Variants in DENND4B observed in about 807,000 individuals in gnomAD.
DENND4B encodes the protein DENN domain containing 4B.
In DENND4B, 67 loss-of-function variants were observed where a neutral mutation model predicts 161.0. The observed-to-expected ratio is 0.42, with a 90% CI of 0.34 to 0.51. DENND4B has a LOEUF of 0.51. Among genes scored for constraint, DENND4B ranks in the 20% least tolerant of loss-of-function variants. The pLI is 0.08. For missense variants in DENND4B, 1,481 were observed against 1,968.0 expected (o/e 0.75, Z 4.68); for synonymous variants, 753 against 813.8 (o/e 0.93, Z 1.27).
rs370527955 is a variant in DENND4B, at chr1:153,933,777, C to T, written c.3036G>A (p.Pro1012=). Residue 1012 remains proline (P), a synonymous_variant, in exon 20 of 28, where the codon CCG becomes CCA. Coordinates refer to ENST00000361217, the MANE Select transcript of DENND4B (RefSeq NM_014856.3). The surrounding 1 kb of genome is among the most constrained non-coding windows in gnomAD (Gnocchi z 5.7). ...LSDLSLTGEE[P]LPGGSPGGSG... is the part of the protein sequence containing the mutation. ...AGCCCCCTGGGCTGCCTCCAGGGAGCGGCTCCTCCCCTGTCAGGCTCAGGT... is the reference window on the plus strand; with the variant it reads ...AGCCCCCTGGGCTGCCTCCAGGGAGTGGCTCCTCCCCTGTCAGGCTCAGGT... The T allele has an allele frequency of 1.1e-4, 183 of 1,610,076 alleles. No homozygotes were observed. In the African/African-American group the frequency reaches 2.1e-3, roughly 19 times the overall value.
At chr1:153,938,406 CAAA>C (rs34071791) in intron 13 of DENND4B, among the ~76,000 whole-genome samples, 2 of 103,162 alleles carry the variant, frequency 1.9e-5, no homozygotes, top group Non-Finnish European at 2.0e-5. Flanking sequence ...AAAACTATCT[CAAA>C]AAAAAAAAAA....
chr1:153,943,678 TAAAAAAA>T (rs11330733), intron 2 of DENND4B, among the ~76,000 whole-genome samples: 1 of 92,408 alleles, frequency 1.1e-5, no homozygotes, highest in Admixed American at 1.3e-4. Flanking sequence ...ACTCTGTCTA[TAAAAAAA>T]AAAAAAAAAA....
chr1:153,943,652 T>A (rs1399375422), intron 2 of DENND4B, among the ~76,000 whole-genome samples: 4 of 130,918 alleles, frequency 3.1e-5, no homozygotes, highest in Non-Finnish European at 6.2e-5. Context: ...CACTCCAGCC[T>A]GAGTGACAGA....
Position 153,934,160 on chromosome 1 carries a change from G to A in DENND4B, c.2916C>T (p.Pro972=). 2 of 1,583,674 alleles carry A rather than the reference G, an allele frequency of 1.3e-6. No homozygotes were observed. The highest frequency in any genetic ancestry group is 1.7e-6 in the Non-Finnish European group (2 of 1,171,592). The part of the protein sequence containing the change: ...GSLGSARGAQ[P]TVEAGVAHMI... ...TGTGGGCCACACCGGCCTCCACAGT[G>A]GGCTGTGCCCCTCGGGCACTGCCCA... The change falls in exon 19 of 28, where the codon CCC becomes CCT. Residue 972 remains proline, a synonymous_variant. Transcript: ENST00000361217. The surrounding 1 kb of genome is among the most constrained non-coding windows in gnomAD (Gnocchi z 5.3).
Position 153,944,037 on chromosome 1 carries a change from A to G in DENND4B, c.317+21T>C. On this transcript the variant is annotated intron_variant, in intron 2 of 27. Coordinates refer to ENST00000361217, the MANE Select transcript of DENND4B (RefSeq NM_014856.3). The surrounding 1 kb of genome is among the most constrained non-coding windows in gnomAD (Gnocchi z 4.8). ...GTCCCTCCCAGCCTCCCCTGGTGCC[A>G]GCATGGGTAGGGGCACACACCCCAG... 6.6e-7 allele frequency: 1 copy of G among 1,519,358 alleles called. No homozygotes were observed. Among genetic ancestry groups the G allele is most frequent in the Non-Finnish European group, 8.8e-7 (1 of 1,131,378 alleles). 94.1% of individuals were successfully genotyped at this position (1,519,358 alleles called of 1,614,324 possible).
At chr1:153,935,807 A>G (rs527827611) in intron 17 of DENND4B, 171 of 458,242 alleles carry the variant, frequency 3.7e-4, no homozygotes, top group Admixed American at 1.2e-3. Flanking sequence ...TGTGATGCGT[A>G]TGGACCCGTG....
chr1:153,936,008 C>G lies in DENND4B; in HGVS notation c.2568+52G>C. The G allele has an allele frequency of 1.5e-5, 24 of 1,604,642 alleles. No individual in the cohort carries two copies. The highest frequency in any genetic ancestry group is 2.0e-5 in the Non-Finnish European group (24 of 1,175,028). On this transcript the variant is annotated intron_variant, in intron 17 of 27. Coordinates refer to ENST00000361217, the MANE Select transcript of DENND4B (RefSeq NM_014856.3). The surrounding 1 kb of genome is among the most constrained non-coding windows in gnomAD (Gnocchi z 4.1). ...GCGAGGGGAGCAGCAGCAGCCTCCC[C>G]TCACACACCCTGGCACAGCTGCCAT...
At position 153,930,228 on chromosome 1, in the gene DENND4B, G is replaced by A; in HGVS notation, c.*69C>T. On this transcript the variant is annotated 3_prime_UTR_variant, in exon 28 of 28. Transcript: ENST00000361217. This position sits in a 1 kb window ranked among gnomAD's most constrained non-coding sequence, Gnocchi z 4.7. ...CCAACTCCATGAAGGCAACAGGGAA[G>A]CAGTTTAACTCTAGAATCCCTTCTT... 6.5e-7 allele frequency: 1 copy of A among 1,537,728 alleles called. No individual in the cohort carries two copies. The highest frequency in any genetic ancestry group is 8.8e-7 in the Non-Finnish European group (1 of 1,137,146).
chr1:153,934,725 C>G lies in DENND4B; in HGVS notation c.2773+35G>C. The G allele has an allele frequency of 1.3e-6, 2 of 1,589,438 alleles. No homozygotes were observed. The highest frequency in any genetic ancestry group is 1.7e-6 in the Non-Finnish European group (2 of 1,169,420). ...CTTTCCCTGCCTGAGCCCAGCTACT[C>G]CATCCCCAAGCCTGTCTCACCAGGC... is the stretch of plus-strand genomic sequence containing the variant. On this transcript the variant is annotated intron_variant, in intron 18 of 27. Transcript: ENST00000361217. This position sits in a 1 kb window ranked among gnomAD's most constrained non-coding sequence, Gnocchi z 5.3.
Position 153,932,200 on chromosome 1 carries a change from T to C in DENND4B, c.3996+4A>G, listed in dbSNP as rs374431117. On this transcript the variant is annotated splice_donor_region_variant and intron_variant, in intron 24 of 27. Transcript: ENST00000361217. The surrounding 1 kb of genome is among the most constrained non-coding windows in gnomAD (Gnocchi z 5.8). ...GGAAACAGGGGCCACATGGGGGCACTGACCTGGGAGTGCGAAGGCCCATCA... is the reference window on the plus strand; with the variant it reads ...GGAAACAGGGGCCACATGGGGGCACCGACCTGGGAGTGCGAAGGCCCATCA... 9 of 1,612,316 alleles carry C rather than the reference T, an allele frequency of 5.6e-6. No individual in the cohort carries two copies. The highest frequency in any genetic ancestry group is 7.6e-6 in the Non-Finnish European group (9 of 1,178,950).
chr1:153,934,712 G>T lies in DENND4B; in HGVS notation c.2773+48C>A. 6.4e-7 allele frequency: 1 copy of T among 1,570,434 alleles called. No individual in the cohort carries two copies. ...CAACTCTCTATGCCTTTCCCTGCCT[G>T]AGCCCAGCTACTCCATCCCCAAGCC... On this transcript the variant is annotated intron_variant, in intron 18 of 27. Transcript: ENST00000361217. This position sits in a 1 kb window ranked among gnomAD's most constrained non-coding sequence, Gnocchi z 5.3.
At chr1:153,935,127 C>G in intron 17 of DENND4B, 163 bp from the exon 18 acceptor site, 5 of 1,388,926 alleles carry the variant, frequency 3.6e-6, no homozygotes, top group South Asian at 3.1e-5. Flanking sequence ...CCAGAAGAGA[C>G]AGTAGGCAGC....
chr1:153,941,516 T>C, intron 6 of DENND4B, 76 bp from the exon 7 acceptor site: 2 of 1,479,842 alleles, frequency 1.4e-6, no homozygotes, highest in Non-Finnish European at 1.8e-6. Flanking sequence ...CTCAGCTCTT[T>C]CACTTGTTCT....
Position 153,937,673 on chromosome 1 carries a change from C to A in DENND4B, c.2105+51G>T, listed in dbSNP as rs539345531. The A allele has an allele frequency of 1.2e-5, 19 of 1,613,354 alleles. No homozygotes were observed. In the East Asian group the frequency reaches 3.6e-4, roughly 30 times the overall value. On this transcript the variant is annotated intron_variant, in intron 14 of 27. Transcript: ENST00000361217. The surrounding 1 kb of genome is among the most constrained non-coding windows in gnomAD (Gnocchi z 4.7). ...TCAGCACAGGGCGAAGCGAGTTGGA[C>A]TGGACCAGTCTATGGGACCCTGGAA...
intron 17 of DENND4B, among the ~76,000 whole-genome samples, chr1:153,935,452 T>A (rs562767091): frequency 6.6e-6 from 1 of 152,322 alleles, no homozygotes; most frequent in East Asian, 1.9e-4. Flanking sequence ...GTTCAAGTGA[T>A]TCTCTTGCCT....
rs201922757 is a variant in DENND4B at position 153,930,841 on chromosome 1, C to T, written c.4131G>A (p.Arg1377=). The part of the protein sequence containing the change: ...LWRVHSQIPQ[R]VVWPGPVPAS... ...CAGGTACAGGGCCTGGCCATACCAC[C>T]CGCTGGGGGATCTGGCCTGGATGAA... Residue 1377 remains arginine (R), a synonymous_variant, in exon 26 of 28, where the codon CGG becomes CGA. Coordinates refer to ENST00000361217, the MANE Select transcript of DENND4B (RefSeq NM_014856.3). This position sits in a 1 kb window ranked among gnomAD's most constrained non-coding sequence, Gnocchi z 4.7. 2.1e-5 allele frequency: 33 copies of T among 1,599,230 alleles called. No homozygotes were observed. The highest frequency in any genetic ancestry group is 2.6e-5 in the Non-Finnish European group (30 of 1,173,048).
Position 153,933,536 on chromosome 1 carries a change from G to T in DENND4B, c.3277C>A (p.Pro1093Thr), listed in dbSNP as rs1286793968. The T allele has an allele frequency of 2.6e-6, 4 of 1,549,208 alleles. No individual in the cohort carries two copies. Among genetic ancestry groups the T allele is most frequent in the Non-Finnish European group, 3.5e-6 (4 of 1,150,098 alleles). ...CGGGGGTGCAGAAGACTGTCCATGGGGCTGCGGCGGGCTGGGGGTGGCAGG... is the reference window on the plus strand; with the variant it reads ...CGGGGGTGCAGAAGACTGTCCATGGTGCTGCGGCGGGCTGGGGGTGGCAGG... ...PDLPPPARRSPMDSLLHPRER... is the reference protein window; with the variant it reads ...PDLPPPARRSTMDSLLHPRER... The change falls in exon 20 of 28, where the codon CCC (proline) becomes ACC (threonine). Residue 1093 changes from proline (P) to threonine (T), a missense_variant. Around this residue, in one of 3 missense-constraint regions of DENND4B, gnomAD observed 339 missense variants for 330.3 expected, o/e 1.03. Coordinates refer to ENST00000361217, the MANE Select transcript of DENND4B (RefSeq NM_014856.3). This position sits in a 1 kb window ranked among gnomAD's most constrained non-coding sequence, Gnocchi z 5.7.
chr1:153,945,075 C>A (rs1571062203), intron 1 of DENND4B: 1 of 1,285,404 alleles, frequency 7.8e-7, no homozygotes, highest in East Asian at 5.6e-5. Flanking sequence ...CCCGGCCATC[C>A]CACACCCTCC....
In DENND4B at chr1:153,930,249, T is replaced by G; in HGVS notation, c.*48A>C. The G allele has an allele frequency of 6.3e-7, 1 of 1,586,316 alleles. No individual in the cohort carries two copies. Among genetic ancestry groups the G allele is most frequent in the South Asian group, 1.1e-5 (1 of 88,490 alleles). ...GGAAGCAGTTTAACTCTAGAATCCC[T>G]TCTTCCTCACTTCCCCACCCTAGGC... On this transcript the variant is annotated 3_prime_UTR_variant, in exon 28 of 28. Transcript: ENST00000361217. This position sits in a 1 kb window ranked among gnomAD's most constrained non-coding sequence, Gnocchi z 4.7.
Sources: allele counts gnomAD v4.1 joint callset (sites outside exome capture counted in the v4.1 genomes callset), GRCh38; gene constraint gnomAD v4.1.1; regional missense constraint gnomAD v4.1.1; non-coding constraint Gnocchi (gnomAD v3.1); transcripts MANE v1.5; gene names NCBI Gene and HGNC (gene_info 2026-07-23, HGNC 2026-07-21).